ADAMTS12: variants seen among roughly 807,000 people sequenced by gnomAD.
ADAMTS12 encodes ADAM metallopeptidase with thrombospondin type 1 motif 12, also known as A disintegrin and metalloproteinase with thrombospondin motifs 12.
A neutral mutation model predicts 167.8 loss-of-function variants in ADAMTS12; 118 were observed. The ratio of observed to expected loss-of-function variants is 0.70; its 90% CI spans 0.61 to 0.82. The LOEUF (loss-of-function observed/expected upper bound fraction) is 0.82, where lower values mean the gene tolerates loss of function less well. ADAMTS12 is among the 40% of genes least tolerant of loss of function. ADAMTS12 has a pLI of 0.00. For synonymous variants in ADAMTS12, 704 were observed against 716.9 expected, an observed-to-expected ratio of 0.98 and a Z score of 0.29; for missense variants, 1,916 against 1,998.8, an observed-to-expected ratio of 0.96 and a Z score of 0.79.
At chr5:33,784,052 A>G (rs940992024) in intron 2 of ADAMTS12, among the ~76,000 whole-genome samples, 1 of 151,982 alleles carries the variant, frequency 6.6e-6, no homozygotes, top group Admixed American at 6.6e-5. Flanking sequence ...TTCATTTAAA[A>G]TTTTTAAATC....
At chr5:33,579,799 C>T (rs982655526) in intron 18 of ADAMTS12, among the ~76,000 whole-genome samples, 7 of 152,168 alleles carry the variant, frequency 4.6e-5, no homozygotes, top group Non-Finnish European at 8.8e-5. Context: ...CATATGAAGA[C>T]AATTAGTGAT....
chr5:33,629,219 C>CTTTA lies in ADAMTS12; in HGVS notation c.2022+1557_2022+1560dup, dbSNP rs150487106. ...ACCTTTGCATTGAGAGAAATAGCAT[C>CTTTA]TTTAGCCTGTGATGGAAAACAGGTG... On this transcript the variant is annotated intron_variant, in intron 13 of 23. Transcript: ENST00000504830. 2.4e-3 allele frequency among the ~76,000 whole-genome samples: 368 copies of CTTTA among 152,154 alleles called. 1 individual carries two copies. The highest frequency in any genetic ancestry group is 3.8e-3 in the Non-Finnish European group (258 of 67,998).
intron 2 of ADAMTS12, among the ~76,000 whole-genome samples, chr5:33,836,806 C>T (rs865983631): frequency 6.6e-6 from 1 of 152,028 alleles, no homozygotes; most frequent in Admixed American, 6.5e-5. Context: ...GGAAAGAGCA[C>T]GGAGCATCTA....
In ADAMTS12 at chr5:33,636,818, T is replaced by C. The variant is rs188566384; in HGVS notation, c.1888+759A>G. Among the ~76,000 whole-genome samples the C allele has an allele frequency of 9.9e-4, 151 of 152,324 alleles. 1 individual carries two copies. Among genetic ancestry groups the C allele is most frequent in the African/African-American group, 3.5e-3 (144 of 41,582 alleles). On this transcript the variant is annotated intron_variant, in intron 12 of 23. Transcript: ENST00000504830. ...ACACAAATATGTTTTTTGATGTTGA[T>C]GTCTAGCTAACGGTCATTGATTCTT...
At chr5:33,739,488 T>G (rs1744491083) in intron 3 of ADAMTS12, among the ~76,000 whole-genome samples, 2 of 152,190 alleles carry the variant, frequency 1.3e-5, no homozygotes, top group South Asian at 4.1e-4. Flanking sequence ...TGTGCATGCA[T>G]GTGTGCATAC....
chr5:33,736,713 GA>G (rs1744388520), intron 3 of ADAMTS12, among the ~76,000 whole-genome samples: 1 of 152,202 alleles, frequency 6.6e-6, no homozygotes, highest in South Asian at 2.1e-4. Context: ...CACACATTAT[GA>G]AACATGTGAA....
At chr5:33,625,707 T>C (rs2112126188) in intron 13 of ADAMTS12, among the ~76,000 whole-genome samples, 1 of 152,058 alleles carries the variant, frequency 6.6e-6, no homozygotes, top group Non-Finnish European at 1.5e-5. Flanking sequence ...GAGACAAGGG[T>C]TGGGGGAAGG....
At chr5:33,765,606 T>C (rs917867184) in intron 2 of ADAMTS12, among the ~76,000 whole-genome samples, 3 of 152,046 alleles carry the variant, frequency 2.0e-5, no homozygotes, top group African/African-American at 7.3e-5. Flanking sequence ...ATGAACTTGC[T>C]GGAAGCAAAT....
chr5:33,678,821 T>G (rs1742010692), intron 5 of ADAMTS12, among the ~76,000 whole-genome samples: 1 of 152,108 alleles, frequency 6.6e-6, no homozygotes, highest in Non-Finnish European at 1.5e-5. Context: ...GGAAACAAGA[T>G]GAAAAGAAAT....
At chr5:33,847,350 C>T (rs1240962883) in intron 2 of ADAMTS12, among the ~76,000 whole-genome samples, 3 of 152,192 alleles carry the variant, frequency 2.0e-5, no homozygotes, top group Non-Finnish European at 4.4e-5. Flanking sequence ...CGGCCAGGCA[C>T]TGTGGCTCAC....
At chr5:33,755,676 T>TA (rs1336671105) in intron 2 of ADAMTS12, among the ~76,000 whole-genome samples, 1 of 152,136 alleles carries the variant, frequency 6.6e-6, no homozygotes, top group Non-Finnish European at 1.5e-5. Flanking sequence ...GTACCACAAG[T>TA]AAAGCCTGAA....
intron 3 of ADAMTS12, among the ~76,000 whole-genome samples, chr5:33,713,733 T>C (rs1226271600): frequency 6.6e-6 from 1 of 152,116 alleles, no homozygotes; most frequent in East Asian, 1.9e-4. Flanking sequence ...TTCACTTGTT[T>C]GGTTAGTCCA....
At chr5:33,869,607 A>C (rs1290128697) in intron 2 of ADAMTS12, among the ~76,000 whole-genome samples, 2 of 152,174 alleles carry the variant, frequency 1.3e-5, no homozygotes, top group African/African-American at 4.8e-5. Flanking sequence ...AGTTTTTATT[A>C]GCGATTTTCA....
At position 33,751,326 on chromosome 5, in the gene ADAMTS12, A is replaced by G. The variant is rs550375876; in HGVS notation, c.634+78T>C. 142 of 1,585,726 alleles carry G rather than the reference A, an allele frequency of 9.0e-5. 2 individuals are homozygous for G. The South Asian group carries it at 1.5e-3, about 16-fold the overall frequency. On this transcript the variant is annotated intron_variant, in intron 3 of 23. Transcript: ENST00000504830. ...AGAGGAGATAAGAGACTTGAGTAAG[A>G]ATAGGTCATGTTTTAATAAAACAAC...
At chr5:33,757,909 T>C (rs1745222221) in intron 2 of ADAMTS12, among the ~76,000 whole-genome samples, 1 of 152,168 alleles carries the variant, frequency 6.6e-6, no homozygotes, top group Non-Finnish European at 1.5e-5. Context: ...CATCATAGCA[T>C]CGTCTACCGC....
chr5:33,762,694 C>T (rs1401455542), intron 2 of ADAMTS12, among the ~76,000 whole-genome samples: 1 of 152,062 alleles, frequency 6.6e-6, no homozygotes, highest in Non-Finnish European at 1.5e-5. Context: ...AATGGGGATT[C>T]TTCCCTGGAG....
At chr5:33,559,998 T>C (rs1745659680) in intron 20 of ADAMTS12, among the ~76,000 whole-genome samples, 1 of 152,256 alleles carries the variant, frequency 6.6e-6, no homozygotes, top group African/African-American at 2.4e-5. Flanking sequence ...TTAAGCCATA[T>C]ATTCGCTTTG....
intron 2 of ADAMTS12, among the ~76,000 whole-genome samples, chr5:33,871,484 T>C (rs1261166126): frequency 8.6e-5 from 13 of 152,010 alleles, no homozygotes; most frequent in Admixed American, 8.5e-4. Context: ...TATTTAGTGA[T>C]ATATAAAAAG....
chr5:33,676,361 G>C (rs982293768), intron 5 of ADAMTS12, among the ~76,000 whole-genome samples: 1 of 152,088 alleles, frequency 6.6e-6, no homozygotes, highest in Non-Finnish European at 1.5e-5. Context: ...TCAGGCTTAC[G>C]CTACTGAAAG....
Sources: gnomAD v4.1 joint callset for allele counts (sites outside exome capture counted in the v4.1 genomes callset) on GRCh38, gnomAD v4.1.1 for gene constraint, MANE v1.5 for transcripts, NCBI Gene and HGNC (gene_info 2026-07-23, HGNC 2026-07-21) for gene names.